Variants in CDH4 observed in about 807,000 individuals in gnomAD.
CDH4 encodes cadherin-4.
CDH4 carries 33 observed loss-of-function variants against 86.0 expected under a neutral mutation model. The ratio of observed to expected loss-of-function variants is 0.38; its 90% CI spans 0.29 to 0.51. The LOEUF (loss-of-function observed/expected upper bound fraction) is 0.51, where lower values mean the gene tolerates loss of function less well. CDH4 is among the 20% of genes least tolerant of loss of function. The pLI is 0.86. For missense variants in CDH4, 1,114 were observed against 1,307.4 expected, an observed-to-expected ratio of 0.85 and a Z score of 2.28; for synonymous variants, 555 against 549.4, an observed-to-expected ratio of 1.01 and a Z score of -0.14.
At chr20:61,412,199 G>A (rs2085123285) in intron 2 of CDH4, among the ~76,000 whole-genome samples, 1 of 152,196 alleles carries the variant, frequency 6.6e-6, no homozygotes, top group Admixed American at 6.5e-5. Context: ...TGTGCTAACA[G>A]ACCAAAGTGA....
chr20:61,904,977 C>T (rs2054772824), intron 8 of CDH4, among the ~76,000 whole-genome samples: 1 of 152,212 alleles, frequency 6.6e-6, no homozygotes, highest in Non-Finnish European at 1.5e-5. Flanking sequence ...GTGACCTTCC[C>T]CTGAGAAGCT....
chr20:61,879,877 C>T lies in CDH4; in HGVS notation c.1050+5977C>T, dbSNP rs536114766. ...TTATTAGAAACTGAATCCGGCCTTC[C>T]GGTCCTATCACAAGAGGACTATCAC... On this transcript the variant is annotated intron_variant, in intron 7 of 15. Coordinates refer to ENST00000614565, the MANE Select transcript of CDH4 (RefSeq NM_001794.5). The surrounding 1 kb of genome is among the most constrained non-coding windows in gnomAD (Gnocchi z 4.1). Among the ~76,000 whole-genome samples the T allele has an allele frequency of 3.9e-4, 60 of 152,228 alleles. No individual in the cohort carries two copies. Among genetic ancestry groups the T allele is most frequent in the African/African-American group, 1.2e-3 (50 of 41,554 alleles).
chr20:61,385,048 C>T (rs2084943466), intron 2 of CDH4, among the ~76,000 whole-genome samples: 1 of 152,160 alleles, frequency 6.6e-6, no homozygotes, highest in African/African-American at 2.4e-5. Context: ...TTAGCGATTG[C>T]CAAGCCCTAG....
intron 5 of CDH4, among the ~76,000 whole-genome samples, chr20:61,851,372 A>G (rs1237763109): frequency 1.3e-5 from 2 of 152,198 alleles, no homozygotes; most frequent in Admixed American, 6.5e-5. Flanking sequence ...TGGTATAGGC[A>G]TGGACACAGT....
intron 2 of CDH4, among the ~76,000 whole-genome samples, chr20:61,328,627 TA>T (rs2084550659): frequency 2.6e-5 from 4 of 151,782 alleles, no homozygotes; most frequent in Admixed American, 2.0e-4. Flanking sequence ...TTACTAAAAA[TA>T]AAAAAAGACT....
chr20:61,871,588 G>T (rs1983804523), intron 6 of CDH4, among the ~76,000 whole-genome samples: 1 of 152,188 alleles, frequency 6.6e-6, no homozygotes, highest in Non-Finnish European at 1.5e-5. Flanking sequence ...TTAGGAAAAT[G>T]CAGAGGAAAG....
rs6142888 is a variant in CDH4 at position 61,937,353 on chromosome 20, C to T, written c.*410C>T. ...ACCGTCCCCACCTTCCCATCCCGAGCGGCCTCCAACCCCAGCTAGTCCCAG... is the reference window on the plus strand; with the variant it reads ...ACCGTCCCCACCTTCCCATCCCGAGTGGCCTCCAACCCCAGCTAGTCCCAG... On this transcript the variant is annotated 3_prime_UTR_variant, in exon 16 of 16. Coordinates refer to ENST00000614565, the MANE Select transcript of CDH4 (RefSeq NM_001794.5). 380 of 156,944 alleles carry T rather than the reference C, an allele frequency of 2.4e-3. No individual in the cohort carries two copies. Among genetic ancestry groups the T allele is most frequent in the African/African-American group, 8.9e-3 (368 of 41,538 alleles). The allele number at this position is 156,944 out of a possible 1,614,324, so 9.7% of individuals were successfully genotyped here.
chr20:61,831,877 A>G (rs921559171), intron 4 of CDH4, among the ~76,000 whole-genome samples: 4 of 152,242 alleles, frequency 2.6e-5, no homozygotes, highest in African/African-American at 4.8e-5. Context: ...CGAGAGGCTC[A>G]TGGCTTCCAG....
At chr20:61,862,035 G>A (rs377550395) in intron 6 of CDH4, among the ~76,000 whole-genome samples, 60 of 152,306 alleles carry the variant, frequency 3.9e-4, no homozygotes, top group East Asian at 2.9e-3. Context: ...CCCTGTCCCC[G>A]GGCCCTGGCA....
intron 3 of CDH4, among the ~76,000 whole-genome samples, chr20:61,771,406 C>T (rs1310550247): frequency 3.3e-5 from 5 of 151,496 alleles, no homozygotes; most frequent in South Asian, 2.1e-4. Flanking sequence ...GGCGGATTAC[C>T]GGAGGTCGGG....
intron 2 of CDH4, among the ~76,000 whole-genome samples, chr20:61,556,065 C>A (rs545089893): frequency 2.6e-5 from 4 of 152,282 alleles, no homozygotes; most frequent in Non-Finnish European, 5.9e-5. Context: ...TGGTGTACCC[C>A]CCATGTGGGA....
At position 61,746,770 on chromosome 20, in the gene CDH4, C is replaced by T. The variant is rs763803596; in HGVS notation, c.396+2981C>T. ...GAGGTCAGGAGGTGGAAAACAGCAG[C>T]GCATATGGCTGTCATTGCCTGGTTC... On this transcript the variant is annotated intron_variant, in intron 3 of 15. Transcript: ENST00000614565. 2.6e-4 allele frequency among the ~76,000 whole-genome samples: 39 copies of T among 152,336 alleles called. 1 individual carries two copies. Among genetic ancestry groups the T allele is most frequent in the South Asian group, 2.3e-3 (11 of 4,830 alleles).
chr20:61,638,084 A>G (rs909817994), intron 2 of CDH4, among the ~76,000 whole-genome samples: 2 of 152,104 alleles, frequency 1.3e-5, no homozygotes, highest in East Asian at 1.9e-4. Flanking sequence ...GATCACAGAC[A>G]TGAGGCTAAT....
Position 61,852,804 on chromosome 20 carries a change from C to T in CDH4, c.783C>T (p.Ile261=), listed in dbSNP as rs969320015. Residue 261 remains isoleucine (I), a synonymous_variant, in exon 6 of 16, where the codon ATC becomes ATT. Transcript: ENST00000614565. The part of the protein sequence containing the change: ...DMNGNKVENP[I]DLYIYVIDMN... Reference sequence around the variant, plus strand: ...ATGGCAACAAGGTGGAGAACCCCATCGACCTGTACATCTACGTCATCGACA... The same window carrying T: ...ATGGCAACAAGGTGGAGAACCCCATTGACCTGTACATCTACGTCATCGACA... 6 of 1,614,060 alleles carry T rather than the reference C, an allele frequency of 3.7e-6. No homozygotes were observed. Among genetic ancestry groups the T allele is most frequent in the African/African-American group, 1.3e-5 (1 of 75,060 alleles).
rs555571444 is a variant in CDH4 at position 61,392,428 on chromosome 20, A to G, written c.169+137491A>G. 6.6e-6 allele frequency among the ~76,000 whole-genome samples: 1 copy of G among 152,310 alleles called. No homozygotes were observed. Among genetic ancestry groups the G allele is most frequent in the Non-Finnish European group, 1.5e-5 (1 of 68,026 alleles). On this transcript the variant is annotated intron_variant, in intron 2 of 15. Coordinates refer to ENST00000614565, the MANE Select transcript of CDH4 (RefSeq NM_001794.5). This position sits in a 1 kb window ranked among gnomAD's most constrained non-coding sequence, Gnocchi z 5.7. The stretch of plus-strand genomic sequence containing the variant: ...GCACGGCGCCCCGACGTGATTTTCC[A>G]GAGAACTGAGTTCCTTGAATATTAA...
intron 2 of CDH4, among the ~76,000 whole-genome samples, chr20:61,294,348 C>T (rs1262491583): frequency 4.6e-5 from 7 of 152,194 alleles, no homozygotes; most frequent in Admixed American, 4.6e-4. Flanking sequence ...CATGACCTGC[C>T]ATCACCCTGC....
intron 4 of CDH4, among the ~76,000 whole-genome samples, chr20:61,789,350 C>T (rs1478314758): frequency 2.0e-5 from 3 of 152,120 alleles, no homozygotes; most frequent in African/African-American, 7.2e-5. Context: ...CTTATTAAAA[C>T]AAGAAAAGCC....
intron 3 of CDH4, among the ~76,000 whole-genome samples, chr20:61,749,252 A>G (rs1233245820): frequency 6.6e-6 from 1 of 152,246 alleles, no homozygotes; most frequent in African/African-American, 2.4e-5. Context: ...TAAAAGGAGA[A>G]GTAACTATGC....
At chr20:61,529,712 CCT>C (rs1369360514) in intron 2 of CDH4, among the ~76,000 whole-genome samples, 1 of 152,146 alleles carries the variant, frequency 6.6e-6, no homozygotes, top group Admixed American at 6.5e-5. Context: ...ACGTCACATG[CCT>C]CTGTTTTCTT....
Sources: allele counts gnomAD v4.1 joint callset (sites outside exome capture counted in the v4.1 genomes callset), GRCh38; gene constraint gnomAD v4.1.1; non-coding constraint Gnocchi (gnomAD v3.1); transcripts MANE v1.5; gene names NCBI Gene and HGNC (gene_info 2026-07-23, HGNC 2026-07-21).